Variants in ANKHD1 observed in about 807,000 individuals in gnomAD.
The protein encoded by ANKHD1 is ankyrin repeat and KH domain containing 1, also known as ankyrin repeat and KH domain-containing protein 1.
In ANKHD1, 31 loss-of-function variants were observed where a neutral mutation model predicts 230.5. The observed-to-expected ratio is 0.13, with a 90% CI of 0.10 to 0.18. The LOEUF (loss-of-function observed/expected upper bound fraction) is 0.18, where lower values mean the gene tolerates loss of function less well. Among genes scored for constraint, ANKHD1 ranks in the 10% least tolerant of loss-of-function variants. ANKHD1 has a pLI of 1.00. For synonymous variants in ANKHD1, 1,074 were observed against 1,117.6 expected, an observed-to-expected ratio of 0.96 and a Z score of 0.78; for missense variants, 2,256 against 3,071.3, an observed-to-expected ratio of 0.73 and a Z score of 6.27.
chr5:140,402,355 C>A lies in ANKHD1; in HGVS notation c.306+82C>A. 3 of 1,376,250 alleles carry A rather than the reference C, an allele frequency of 2.2e-6. No individual in the cohort carries two copies. The South Asian group carries it at 4.9e-5, about 22-fold the overall frequency. The allele number at this position is 1,376,250 out of a possible 1,614,324, so 85.3% of individuals were successfully genotyped here. ...TAGGCTCTGGGCCGGGGCCATCCTC[C>A]CGCTTCCCTGGTGGAGCCCTTCTGT... On this transcript the variant is annotated intron_variant, in intron 1 of 33. Transcript: ENST00000360839.
intron 17 of ANKHD1, 62 bp downstream of exon 17, chr5:140,505,295 A>T: frequency 6.5e-7 from 1 of 1,533,088 alleles, no homozygotes; most frequent in Admixed American, 1.8e-5. Flanking sequence ...TAACTTTTTT[A>T]TTATTGATAA....
intron 1 of ANKHD1, among the ~76,000 whole-genome samples, chr5:140,419,232 G>A (rs995958447): frequency 2.0e-5 from 3 of 151,278 alleles, no homozygotes; most frequent in Non-Finnish European, 4.4e-5. Flanking sequence ...ATGATGTTGA[G>A]CATCTTTTCA....
At position 140,464,756 on chromosome 5, in the gene ANKHD1, C is replaced by T; in HGVS notation, c.1762C>T (p.Leu588Phe). ...ACATACGGATGTTGCAGATGTTTTA[C>T]TTCAAGCAGGGGCTGATTTAGTAAG... is the stretch of plus-strand genomic sequence containing the variant. ...NGHTDVADVLLQAGADLEHES... is the reference protein window; with the variant it reads ...NGHTDVADVLFQAGADLEHES... Residue 588 changes from leucine (L) to phenylalanine (F), a missense_variant, in exon 10 of 34, where the codon CTT (leucine) becomes TTT (phenylalanine). Around this residue, in one of 13 missense-constraint regions of ANKHD1, gnomAD observed 179 missense variants for 261.8 expected, o/e 0.68. Coordinates refer to ENST00000360839, the MANE Select transcript of ANKHD1 (RefSeq NM_017747.3). 1 of 1,605,250 alleles carries T rather than the reference C, an allele frequency of 6.2e-7. No individual in the cohort carries two copies. The highest frequency in any genetic ancestry group is 8.5e-7 in the Non-Finnish European group (1 of 1,173,822).
intron 7 of ANKHD1, among the ~76,000 whole-genome samples, chr5:140,452,261 G>A (rs1040315057): frequency 5.3e-5 from 8 of 152,334 alleles, no homozygotes; most frequent in African/African-American, 1.9e-4. Context: ...GCTCAAGGAG[G>A]CCTACCTGTC....
intron 1 of ANKHD1, among the ~76,000 whole-genome samples, chr5:140,417,055 A>G (rs976706626): frequency 6.6e-6 from 1 of 152,202 alleles, no homozygotes; most frequent in Non-Finnish European, 1.5e-5. Context: ...TGCCAGACTC[A>G]GTCAACTGAT....
chr5:140,445,867 A>T lies in ANKHD1; in HGVS notation c.1039A>T (p.Ser347Cys). Residue 347 changes from serine (S) to cysteine (C), a missense_variant, in exon 6 of 34, where the codon AGT (serine) becomes TGT (cysteine). By Grantham distance (112) the Ser-to-Cys change is moderately radical (BLOSUM62 -1). Coordinates refer to ENST00000360839, the MANE Select transcript of ANKHD1 (RefSeq NM_017747.3). Reference protein sequence around the residue: ...NGHTPLMEAASAGHVEVARVL... With the variant: ...NGHTPLMEAACAGHVEVARVL... ...ACATACTCCCTTAATGGAAGCAGCC[A>T]GTGCAGGTCATGTGGAAGTTGCAAG... 6.2e-7 allele frequency: 1 copy of T among 1,613,868 alleles called. No homozygotes were observed. Among genetic ancestry groups the T allele is most frequent in the South Asian group, 1.1e-5 (1 of 91,042 alleles).
chr5:140,403,512 A>G (rs1252402158), intron 1 of ANKHD1, among the ~76,000 whole-genome samples: 1 of 151,866 alleles, frequency 6.6e-6, no homozygotes, highest in Non-Finnish European at 1.5e-5. Flanking sequence ...CCTGGGTTCA[A>G]GCGATTCCCC....
In ANKHD1 at chr5:140,537,403, C is replaced by T; in HGVS notation, c.7042C>T (p.Pro2348Ser). The T allele has an allele frequency of 6.2e-7, 1 of 1,614,102 alleles. No individual in the cohort carries two copies. The highest frequency in any genetic ancestry group is 8.5e-7 in the Non-Finnish European group (1 of 1,180,010). Residue 2348 changes from proline to serine, a missense_variant, in exon 31 of 34, where the codon CCA (proline) becomes TCA (serine). Pro to Ser is a moderately conservative substitution (Grantham distance 74). This residue lies in a region of ANKHD1 where 778 missense variants were observed against 966.5 expected (regional missense o/e 0.80). Coordinates refer to ENST00000360839, the MANE Select transcript of ANKHD1 (RefSeq NM_017747.3). Reference sequence around the variant, plus strand: ...ACCTCTTTCAGCCACTTCTGCCCCACCAACGTTGGGCCAACCAAAAGGAGT... The same window carrying T: ...ACCTCTTTCAGCCACTTCTGCCCCATCAACGTTGGGCCAACCAAAAGGAGT... Reference protein sequence around the residue: ...SASNSSTSAPPTLGQPKGVSA... With the variant: ...SASNSSTSAPSTLGQPKGVSA...
intron 9 of ANKHD1, among the ~76,000 whole-genome samples, chr5:140,460,319 A>G (rs1002271055): frequency 6.6e-6 from 1 of 152,136 alleles, no homozygotes; most frequent in African/African-American, 2.4e-5. Context: ...TTTGAAAATA[A>G]TGTCAGATTT....
At chr5:140,518,209 A>G (rs1250398319) in intron 24 of ANKHD1, among the ~76,000 whole-genome samples, 1 of 152,150 alleles carries the variant, frequency 6.6e-6, no homozygotes, top group Non-Finnish European at 1.5e-5. Context: ...AAATTCCTCG[A>G]CACATACACT....
At chr5:140,520,352 A>C (rs1753269238) in intron 24 of ANKHD1, among the ~76,000 whole-genome samples, 1 of 151,974 alleles carries the variant, frequency 6.6e-6, no homozygotes, top group Non-Finnish European at 1.5e-5. Context: ...TAGTTCAACC[A>C]TTGTGGAAGT....
rs114710589 is a variant in ANKHD1, at chr5:140,417,147, T to C, written c.306+14874T>C. On this transcript the variant is annotated intron_variant, in intron 1 of 33. Coordinates refer to ENST00000360839, the MANE Select transcript of ANKHD1 (RefSeq NM_017747.3). Reference sequence around the variant, plus strand: ...GTTTTTGAAATATAATCCTTATTTTTTCCTGATTTATCCTCATATTGACTA... The same window carrying C: ...GTTTTTGAAATATAATCCTTATTTTCTCCTGATTTATCCTCATATTGACTA... 2.0e-3 allele frequency among the ~76,000 whole-genome samples: 308 copies of C among 152,060 alleles called. 2 individuals carry two copies. The highest frequency in any genetic ancestry group is 7.1e-3 in the African/African-American group (297 of 41,548).
chr5:140,518,308 C>T (rs1213175128), intron 24 of ANKHD1, among the ~76,000 whole-genome samples: 59 of 152,034 alleles, frequency 3.9e-4, no homozygotes, highest in African/African-American at 1.4e-3. Flanking sequence ...AGCTTACCAA[C>T]CAAAAAGAGT....
chr5:140,438,750 A>AT, intron 3 of ANKHD1, 133 bp downstream of exon 3: 1 of 1,215,054 alleles, frequency 8.2e-7, no homozygotes, highest in African/African-American at 1.5e-5. Flanking sequence ...TTTTAAGTGG[A>AT]TATATAAATG....
chr5:140,417,323 G>T (rs1771471856), intron 1 of ANKHD1, among the ~76,000 whole-genome samples: 1 of 151,602 alleles, frequency 6.6e-6, no homozygotes, highest in East Asian at 1.9e-4. Context: ...TTATCATTAT[G>T]ACAAAGGAGC....
At chr5:140,537,740 GTTCAGTCCAAT>G in intron 31 of ANKHD1, 151 bp downstream of exon 31, 1 of 1,257,304 alleles carries the variant, frequency 8.0e-7, no homozygotes, top group Non-Finnish European at 1.0e-6. Context: ...TCTTTGAGGA[GTTCAGTCCAAT>G]TTCAGAGTCT....
rs757027493 is a variant in ANKHD1, at chr5:140,441,018, T to G, written c.789T>G (p.Asn263Lys). The G allele has an allele frequency of 4.3e-6, 7 of 1,609,394 alleles. No individual in the cohort carries two copies. The highest frequency in any genetic ancestry group is 5.9e-6 in the Non-Finnish European group (7 of 1,178,546). Residue 263 changes from asparagine to lysine, a missense_variant, in exon 5 of 34, where the codon AAT becomes AAG. Physicochemically the swap from Asn to Lys is moderately conservative, Grantham distance 94. Transcript: ENST00000360839. ...LAQVLLAMHA[N>K]VEDRGNKGDI... ...AGGTATTGCTTGCTATGCATGCTAA[T>G]GTTGAAGATCGAGGGAATAAAGGAG...
chr5:140,529,315 A>G lies in ANKHD1; in HGVS notation c.6369A>G (p.Leu2123=). The G allele has an allele frequency of 6.2e-7, 1 of 1,614,088 alleles. No homozygotes were observed. Among genetic ancestry groups the G allele is most frequent in the Non-Finnish European group, 8.5e-7 (1 of 1,180,016 alleles). Residue 2123 remains leucine (L), a synonymous_variant, in exon 29 of 34, where the codon TTA becomes TTG. Transcript: ENST00000360839. ...CTGATAATCAGGACACCAGTAATTT[A>G]CCTCAGTTAGCTGTACCAGCACCTC... ...VAADNQDTSN[L]PQLAVPAPRV...
intron 14 of ANKHD1, among the ~76,000 whole-genome samples, chr5:140,496,177 T>A (rs1381331602): frequency 1.3e-5 from 2 of 152,190 alleles, no homozygotes; most frequent in Non-Finnish European, 2.9e-5. Context: ...AAGTCCAATC[T>A]AATCAGCAGA....
Sources: gnomAD v4.1 joint callset for allele counts (sites outside exome capture counted in the v4.1 genomes callset) on GRCh38, gnomAD v4.1.1 for gene constraint, gnomAD v4.1.1 regional missense constraint, MANE v1.5 for transcripts, NCBI Gene and HGNC (gene_info 2026-07-23, HGNC 2026-07-21) for gene names.